The following RIMS2 variants were observed in gnomAD, a reference collection of about 807,000 sequenced individuals.
The protein encoded by RIMS2 is regulating synaptic membrane exocytosis protein 2.
RIMS2 carries 59 observed loss-of-function variants against 174.4 expected under a neutral mutation model. The ratio of observed to expected loss-of-function variants is 0.34; its 90% CI spans 0.27 to 0.42. The LOEUF (loss-of-function observed/expected upper bound fraction) is 0.42. Among genes scored for constraint, RIMS2 ranks in the 10% least tolerant of loss-of-function variants. RIMS2 has a pLI of 1.00. For synonymous variants in RIMS2, 606 were observed against 572.5 expected (o/e 1.06, Z -0.84); for missense variants, 1,620 against 1,666.3 (o/e 0.97, Z 0.48).
intron 4 of RIMS2, among the ~76,000 whole-genome samples, chr8:103,893,108 G>A (rs970147094): frequency 6.6e-6 from 1 of 152,018 alleles, no homozygotes; most frequent in African/African-American, 2.4e-5. Flanking sequence ...AATATTTCAA[G>A]AGGGATAGAG....
intron 3 of RIMS2, among the ~76,000 whole-genome samples, chr8:103,772,180 G>A (rs907077180): frequency 6.6e-6 from 1 of 151,604 alleles, no homozygotes; most frequent in African/African-American, 2.4e-5. Flanking sequence ...TATGCAATAG[G>A]CACAATAAAA....
intron 4 of RIMS2, among the ~76,000 whole-genome samples, chr8:103,889,633 T>C (rs1207715895): frequency 2.7e-5 from 4 of 147,970 alleles, no homozygotes; most frequent in Admixed American, 2.7e-4. Flanking sequence ...TAATTTACTC[T>C]ACCTAATTTT....
rs571958498 is a variant in RIMS2 at position 103,529,304 on chromosome 8, A to G, written c.176+28242A>G. Reference sequence around the variant, plus strand: ...AAGGAGATTTTGGGTTGCTTTGTCTACCTACTCAAGCCTCAGCAATGGCGG... The same window carrying G: ...AAGGAGATTTTGGGTTGCTTTGTCTGCCTACTCAAGCCTCAGCAATGGCGG... On this transcript the variant is annotated intron_variant, in intron 1 of 23. Transcript: ENST00000504942. 2.6e-5 allele frequency among the ~76,000 whole-genome samples: 4 copies of G among 152,174 alleles called. No homozygotes were observed. In the East Asian group the frequency reaches 7.7e-4, roughly 29 times the overall value.
chr8:103,914,541 C>T (rs1386386077), intron 6 of RIMS2, among the ~76,000 whole-genome samples: 4 of 151,986 alleles, frequency 2.6e-5, no homozygotes, highest in African/African-American at 4.8e-5. Flanking sequence ...TAAATATTTA[C>T]TTAAGGATAT....
At position 103,636,814 on chromosome 8, in the gene RIMS2, A is replaced by T. The variant is rs1418939265; in HGVS notation, c.177-60272A>T. Among the ~76,000 whole-genome samples, 3 of 100,490 alleles carry T rather than the reference A, an allele frequency of 3.0e-5. 1 individual carries two copies. The highest frequency in any genetic ancestry group is 8.7e-5 in the African/African-American group (2 of 22,904). 65.9% of individuals were successfully genotyped at this position (100,490 alleles called of 152,430 possible). A position where few individuals can be genotyped will look rare whatever the true frequency, so the allele number is the denominator to read the frequency against. ...CCCCCCCCCCCCCACACACACACAC[A>T]TACCAATCTGCGTTTTGGGGAGGCA... On this transcript the variant is annotated intron_variant, in intron 1 of 23. Transcript: ENST00000504942.
At chr8:104,090,700 A>T (rs2097638382) in intron 19 of RIMS2, among the ~76,000 whole-genome samples, 1 of 151,820 alleles carries the variant, frequency 6.6e-6, no homozygotes, top group Non-Finnish European at 1.5e-5. Flanking sequence ...AGGTGATGGA[A>T]TATGGATGAA....
rs76867660 is a variant in RIMS2, at chr8:103,680,612, C to T, written c.177-16474C>T. Among the ~76,000 whole-genome samples the T allele has an allele frequency of 6.1e-3, 933 of 151,990 alleles. 11 individuals carry two copies. The highest frequency in any genetic ancestry group is 0.021 in the African/African-American group (883 of 41,518). ...TTAACAGACTGAGAGAAGAAATGTCCTATGTTCAACTATGTATATATAGGC... is the reference window on the plus strand; with the variant it reads ...TTAACAGACTGAGAGAAGAAATGTCTTATGTTCAACTATGTATATATAGGC... On this transcript the variant is annotated intron_variant, in intron 1 of 23. Transcript: ENST00000504942.
intron 2 of RIMS2, among the ~76,000 whole-genome samples, chr8:103,712,521 C>T (rs951331537): frequency 6.6e-6 from 1 of 152,034 alleles, no homozygotes; most frequent in African/African-American, 2.4e-5. Flanking sequence ...ACATGATGTG[C>T]TCATCAGTAG....
chr8:104,046,060 C>A (rs2096688331), intron 19 of RIMS2, among the ~76,000 whole-genome samples: 1 of 151,972 alleles, frequency 6.6e-6, no homozygotes. Context: ...TTATCTTAGT[C>A]CATACAGACT....
At chr8:103,972,821 G>T (rs1401660630) in intron 15 of RIMS2, among the ~76,000 whole-genome samples, 2 of 151,860 alleles carry the variant, frequency 1.3e-5, no homozygotes, top group Admixed American at 6.6e-5. Flanking sequence ...TCCTCTTCTG[G>T]CATTTTGATT....
chr8:104,120,505 C>T (rs2098357240), intron 19 of RIMS2, among the ~76,000 whole-genome samples: 2 of 152,108 alleles, frequency 1.3e-5, no homozygotes, highest in South Asian at 4.2e-4. Context: ...TATCCATCAA[C>T]CAGAAATAGT....
chr8:103,655,698 G>C (rs1338948368), intron 1 of RIMS2, among the ~76,000 whole-genome samples: 1 of 152,024 alleles, frequency 6.6e-6, no homozygotes, highest in East Asian at 1.9e-4. Context: ...AGTGTTTTAA[G>C]CATAGGGAAC....
At chr8:103,689,446 AGT>A (rs962864412) in intron 1 of RIMS2, among the ~76,000 whole-genome samples, 1 of 152,222 alleles carries the variant, frequency 6.6e-6, no homozygotes, top group Non-Finnish European at 1.5e-5. Context: ...CAATGCTGAA[AGT>A]GGGGTTTTGA....
At chr8:103,727,089 A>G (rs1191261700) in intron 2 of RIMS2, among the ~76,000 whole-genome samples, 2 of 151,684 alleles carry the variant, frequency 1.3e-5, no homozygotes, top group African/African-American at 4.8e-5. Context: ...TATTTTTACT[A>G]CTTCTACTTA....
chr8:104,198,588 C>T, intron 19 of RIMS2, among the ~76,000 whole-genome samples: 1 of 152,164 alleles, frequency 6.6e-6, no homozygotes, highest in East Asian at 1.9e-4. Context: ...CCTGCCAATC[C>T]AGATTAGGAA....
At chr8:104,116,929 T>C (rs1207010612) in intron 19 of RIMS2, among the ~76,000 whole-genome samples, 1 of 152,128 alleles carries the variant, frequency 6.6e-6, no homozygotes. Flanking sequence ...TTTGGAATAA[T>C]TCTGCATACA....
intron 19 of RIMS2, among the ~76,000 whole-genome samples, chr8:104,017,648 C>T (rs934607905): frequency 2.0e-5 from 3 of 152,002 alleles, no homozygotes; most frequent in Admixed American, 2.0e-4. Context: ...CCCAGTTATC[C>T]ACATATTACA....
chr8:103,762,181 A>C (rs1233635648), intron 2 of RIMS2, among the ~76,000 whole-genome samples: 4 of 152,018 alleles, frequency 2.6e-5, no homozygotes, highest in Middle Eastern at 3.2e-3. Context: ...AGTAAGTGAC[A>C]AATTTGGGTC....
rs116564417 is a variant in RIMS2 at position 103,759,258 on chromosome 8, G to A, written c.388-6969G>A. 8.9e-3 allele frequency among the ~76,000 whole-genome samples: 1,361 copies of A among 152,160 alleles called. 21 individuals carry two copies. The highest frequency in any genetic ancestry group is 0.031 in the African/African-American group (1,282 of 41,520). On this transcript the variant is annotated intron_variant, in intron 2 of 23. Transcript: ENST00000504942. ...GATACTTCAGAATGAACTTGGCAGC[G>A]GATCATGATTAAGAAAGGCCAAGAA...
Sources: allele counts gnomAD v4.1 joint callset (sites outside exome capture counted in the v4.1 genomes callset), GRCh38; gene constraint gnomAD v4.1.1; transcripts MANE v1.5; gene names NCBI Gene and HGNC (gene_info 2026-07-23, HGNC 2026-07-21).